The following SPOCK1 variants were observed in gnomAD, a reference collection of about 807,000 sequenced individuals.
SPOCK1 encodes testican-1.
SPOCK1 carries 23 observed loss-of-function variants against 55.3 expected under a neutral mutation model. That is an observed-to-expected ratio of 0.42 (90% CI 0.30 to 0.59). SPOCK1 has a LOEUF of 0.59. SPOCK1 is among the 20% of genes least tolerant of loss of function. The probability of loss-of-function intolerance (pLI) is 0.22; values close to 1 mark genes in which losing one functional copy is unlikely to be tolerated. For synonymous variants in SPOCK1, 226 were observed against 221.0 expected (o/e 1.02, Z -0.20); for missense variants, 499 against 552.5 (o/e 0.90, Z 0.97).
chr5:137,260,763 A>G (rs1756728913), intron 3 of SPOCK1, among the ~76,000 whole-genome samples: 1 of 152,248 alleles, frequency 6.6e-6, no homozygotes, highest in Non-Finnish European at 1.5e-5. Context: ...TCTTCCCTGG[A>G]GTACTGAATT....
chr5:137,356,838 T>TATAG (rs1554077335), intron 2 of SPOCK1, among the ~76,000 whole-genome samples: 2 of 5,460 alleles, frequency 3.7e-4, no homozygotes, highest in Admixed American at 2.8e-3. Context: ...TATATATATA[T>TATAG]AGAGAGAGAG....
intron 2 of SPOCK1, among the ~76,000 whole-genome samples, chr5:137,277,117 T>C (rs549256634): frequency 2.0e-5 from 3 of 152,218 alleles, no homozygotes; most frequent in African/African-American, 7.2e-5. Context: ...TGAGCTCAAG[T>C]GATCCTCCTG....
chr5:137,205,594 G>T (rs961044540), intron 3 of SPOCK1, among the ~76,000 whole-genome samples: 1 of 152,242 alleles, frequency 6.6e-6, no homozygotes, highest in Admixed American at 6.5e-5. Context: ...CCCAGCTGCT[G>T]CTGTGATTGC....
At chr5:137,272,027 G>A (rs1397159675) in intron 2 of SPOCK1, among the ~76,000 whole-genome samples, 1 of 152,172 alleles carries the variant, frequency 6.6e-6, no homozygotes, top group African/African-American at 2.4e-5. Flanking sequence ...AAATTAAAAG[G>A]AGGGCAGGTA....
chr5:137,089,432 CCT>C (rs1753015333), intron 5 of SPOCK1, among the ~76,000 whole-genome samples: 1 of 152,160 alleles, frequency 6.6e-6, no homozygotes, highest in Non-Finnish European at 1.5e-5. Flanking sequence ...CCACCCTCCT[CCT>C]CCTCCCACAC....
chr5:137,441,329 A>C (rs1203378786), intron 2 of SPOCK1, among the ~76,000 whole-genome samples: 1 of 152,202 alleles, frequency 6.6e-6, no homozygotes, highest in African/African-American at 2.4e-5. Flanking sequence ...CTCAGCTGTC[A>C]CCTCAGAGTC....
chr5:137,427,985 T>C (rs1315076881), intron 2 of SPOCK1, among the ~76,000 whole-genome samples: 7 of 151,490 alleles, frequency 4.6e-5, no homozygotes, highest in Non-Finnish European at 8.8e-5. Flanking sequence ...CCTGTTTCCA[T>C]GCTCAAAGGT....
intron 3 of SPOCK1, among the ~76,000 whole-genome samples, chr5:137,205,118 C>A (rs1380852265): frequency 6.6e-6 from 1 of 152,186 alleles, no homozygotes; most frequent in Non-Finnish European, 1.5e-5. Context: ...ACCAGTTGAT[C>A]TCCCCACTAG....
chr5:137,469,129 G>A (rs997492584), intron 2 of SPOCK1, among the ~76,000 whole-genome samples: 2 of 152,134 alleles, frequency 1.3e-5, no homozygotes, highest in African/African-American at 4.8e-5. Context: ...TTAACTCTTT[G>A]GCCTTTAACA....
intron 4 of SPOCK1, among the ~76,000 whole-genome samples, chr5:137,129,394 T>C (rs187741049): frequency 1.6e-3 from 240 of 152,306 alleles, no homozygotes; most frequent in Non-Finnish European, 2.0e-3. Flanking sequence ...AAGACTGTGA[T>C]ATTATAGTAG....
chr5:137,294,867 A>G (rs1195535191), intron 2 of SPOCK1, among the ~76,000 whole-genome samples: 1 of 152,054 alleles, frequency 6.6e-6, no homozygotes, highest in East Asian at 1.9e-4. Context: ...ATAGCTTACT[A>G]CCTCTTTCTT....
At chr5:137,411,680 C>G (rs1480144446) in intron 2 of SPOCK1, among the ~76,000 whole-genome samples, 3 of 152,138 alleles carry the variant, frequency 2.0e-5, no homozygotes, top group African/African-American at 7.2e-5. Context: ...CTCACTTTAT[C>G]TTCTGTAAAA....
chr5:137,200,261 C>T (rs947056575), intron 3 of SPOCK1, among the ~76,000 whole-genome samples: 1 of 152,228 alleles, frequency 6.6e-6, no homozygotes, highest in African/African-American at 2.4e-5. Flanking sequence ...GCTTCCCTCT[C>T]CCCAATGTCC....
intron 2 of SPOCK1, among the ~76,000 whole-genome samples, chr5:137,495,270 T>C (rs1395771740): frequency 1.3e-5 from 2 of 152,300 alleles, no homozygotes; most frequent in East Asian, 3.9e-4. Flanking sequence ...AAATGATAAG[T>C]AGAGGTTGCC....
At chr5:137,414,488 G>A (rs1752287389) in intron 2 of SPOCK1, among the ~76,000 whole-genome samples, 1 of 152,298 alleles carries the variant, frequency 6.6e-6, no homozygotes, top group Middle Eastern at 3.4e-3. Context: ...CCCTTCTAGA[G>A]TAAAGACATC....
chr5:137,321,676 C>T (rs906301330), intron 2 of SPOCK1, among the ~76,000 whole-genome samples: 12 of 152,026 alleles, frequency 7.9e-5, no homozygotes, highest in East Asian at 3.9e-4. Context: ...GAGTTCAAGA[C>T]GAGCTTATCC....
chr5:137,245,101 T>G (rs1187587919), intron 3 of SPOCK1, among the ~76,000 whole-genome samples: 2 of 152,182 alleles, frequency 1.3e-5, no homozygotes, highest in Non-Finnish European at 2.9e-5. Flanking sequence ...CTCCCACCCC[T>G]ATCCTCCGCA....
intron 3 of SPOCK1, among the ~76,000 whole-genome samples, chr5:137,217,552 G>A (rs1398522442): frequency 1.3e-5 from 2 of 152,186 alleles, no homozygotes; most frequent in East Asian, 1.9e-4. Flanking sequence ...GATGTAACAC[G>A]CCTCTGTGCT....
chr5:137,290,703 G>A (rs1455499924), intron 2 of SPOCK1, among the ~76,000 whole-genome samples: 1 of 152,194 alleles, frequency 6.6e-6, no homozygotes, highest in African/African-American at 2.4e-5. Flanking sequence ...TGTAAATAAA[G>A]AAATACTCTG....
Sources: allele counts gnomAD v4.1 joint callset (sites outside exome capture counted in the v4.1 genomes callset), GRCh38; gene constraint gnomAD v4.1.1; transcripts MANE v1.5; gene names NCBI Gene and HGNC (gene_info 2026-07-23, HGNC 2026-07-21).